SDK1: variants seen among roughly 807,000 people sequenced by gnomAD.
The protein encoded by SDK1 is sidekick cell adhesion molecule 1.
In SDK1, 157 loss-of-function variants were observed where a neutral mutation model predicts 245.5. The observed-to-expected ratio is 0.64, with a 90% confidence interval of 0.56 to 0.73. The LOEUF is 0.73. Among genes scored for constraint, SDK1 ranks in the 30% least tolerant of loss-of-function variants. The pLI is 0.00. For synonymous variants in SDK1, 1,647 were observed against 1,278.5 expected (o/e 1.29, Z -6.15); for missense variants, 3,583 against 3,002.3 (o/e 1.19, Z -4.52).
At chr7:4,220,033 T>C (rs1444055041) in intron 38 of SDK1, 76 bp from the exon 39 acceptor site, 5 of 1,515,222 alleles carry the variant, frequency 3.3e-6, no homozygotes, top group Non-Finnish European at 4.5e-6. Context: ...TTCCTTGTTA[T>C]CGCAACAGAA....
rs1583166114 is a variant in SDK1 at position 4,245,682 on chromosome 7, A to C, written c.6258A>C (p.Pro2086=). The C allele has an allele frequency of 6.2e-7, 1 of 1,613,862 alleles. No homozygotes were observed. The highest frequency in any genetic ancestry group is 8.5e-7 in the Non-Finnish European group (1 of 1,179,924). The stretch of plus-strand genomic sequence containing the variant: ...GCATGGGTCCTCATCCTAGGTCCCC[A>C]CCCCGGCCTAGCCCCGGCGGCCTGC... ...TFSKKNGTRS[P]PRPSPGGLHY... The change falls in exon 44 of 45, where the codon CCA becomes CCC. Residue 2086 remains proline (P), a synonymous_variant. Transcript: ENST00000404826.
rs10251063 is a variant in SDK1, at chr7:4,136,132, G to A, written c.4228+3709G>A. Among the ~76,000 whole-genome samples, 1,236 of 152,280 alleles carry A rather than the reference G, an allele frequency of 8.1e-3. 20 individuals carry two copies. The highest frequency in any genetic ancestry group is 0.029 in the African/African-American group (1,194 of 41,534). On this transcript the variant is annotated intron_variant, in intron 28 of 44. Transcript: ENST00000404826. ...GAGCCCTCCAACCGTGCTGAACGCT[G>A]CTGAATCACACAGCACCGTGTCTAC...
chr7:3,405,659 A>C (rs919368401), intron 1 of SDK1, among the ~76,000 whole-genome samples: 3 of 152,178 alleles, frequency 2.0e-5, no homozygotes, highest in African/African-American at 7.2e-5. Context: ...TATGGTTATA[A>C]GGAAAGCTCA....
intron 1 of SDK1, among the ~76,000 whole-genome samples, chr7:3,497,610 A>G (rs1030664784): frequency 1.3e-5 from 2 of 152,200 alleles, no homozygotes; most frequent in East Asian, 1.9e-4. Flanking sequence ...AATTATGGTA[A>G]TATCCTCCCT....
chr7:4,010,432 T>C (rs1033035328), intron 14 of SDK1, among the ~76,000 whole-genome samples: 8 of 152,146 alleles, frequency 5.3e-5, no homozygotes, highest in Admixed American at 1.3e-4. Flanking sequence ...TCATTACGCC[T>C]CTCTCCAGCC....
rs558930460 is a variant in SDK1 at position 3,474,737 on chromosome 7, C to G, written c.299-144343C>G. 4.6e-5 allele frequency among the ~76,000 whole-genome samples: 7 copies of G among 152,264 alleles called. No homozygotes were observed. The South Asian group carries it at 1.5e-3, about 32-fold the overall frequency. On this transcript the variant is annotated intron_variant, in intron 1 of 44. Transcript: ENST00000404826. The stretch of plus-strand genomic sequence containing the variant: ...ACAGGGTCTTACTCTGTCACCCAGG[C>G]TGCAGTGCAGTGGCATGATCATAGC...
At chr7:3,672,946 A>G (rs1467762400) in intron 4 of SDK1, among the ~76,000 whole-genome samples, 3 of 150,608 alleles carry the variant, frequency 2.0e-5, no homozygotes, top group Admixed American at 6.6e-5. Flanking sequence ...CTTTTTCTAG[A>G]TGCATCTTTT....
At chr7:4,107,535 A>G (rs1266021517) in intron 22 of SDK1, among the ~76,000 whole-genome samples, 1 of 150,924 alleles carries the variant, frequency 6.6e-6, no homozygotes, top group Non-Finnish European at 1.5e-5. Context: ...GAAATCGCCC[A>G]GTGCTTTGGT....
chr7:4,089,260 C>T (rs892614162), intron 22 of SDK1, among the ~76,000 whole-genome samples: 1 of 152,212 alleles, frequency 6.6e-6, no homozygotes, highest in Non-Finnish European at 1.5e-5. Flanking sequence ...GCACAGGGTG[C>T]TCAGTGCCTC....
intron 5 of SDK1, among the ~76,000 whole-genome samples, chr7:3,944,855 C>T (rs2128122857): frequency 6.6e-6 from 1 of 152,304 alleles, no homozygotes; most frequent in South Asian, 2.1e-4. Flanking sequence ...GCATCACAAC[C>T]ACCTGGGGAG....
chr7:3,440,083 G>A (rs1294424564), intron 1 of SDK1, among the ~76,000 whole-genome samples: 2 of 152,052 alleles, frequency 1.3e-5, no homozygotes, highest in Non-Finnish European at 2.9e-5. Flanking sequence ...AGTCACCTGT[G>A]GTCCGAAAAC....
intron 1 of SDK1, among the ~76,000 whole-genome samples, chr7:3,497,538 A>G (rs562965271): frequency 3.0e-4 from 46 of 152,336 alleles, no homozygotes; most frequent in African/African-American, 9.1e-4. Context: ...AAATTGCAAT[A>G]TAATACCATA....
At chr7:3,817,429 T>C (rs1432238783) in intron 4 of SDK1, among the ~76,000 whole-genome samples, 4 of 152,200 alleles carry the variant, frequency 2.6e-5, no homozygotes, top group African/African-American at 9.6e-5. Context: ...GCTGATTAAA[T>C]AGTGAAACAG....
intron 1 of SDK1, among the ~76,000 whole-genome samples, chr7:3,616,222 A>T (rs563335764): frequency 1.3e-5 from 2 of 152,272 alleles, no homozygotes; most frequent in South Asian, 2.1e-4. Context: ...CATCATCATC[A>T]TCATTATCAT....
At chr7:3,758,897 C>G (rs1383561435) in intron 4 of SDK1, among the ~76,000 whole-genome samples, 3 of 152,176 alleles carry the variant, frequency 2.0e-5, no homozygotes, top group Non-Finnish European at 4.4e-5. Flanking sequence ...CCATCTGTAT[C>G]TATTTAAAAA....
At chr7:3,748,200 A>G (rs1314260555) in intron 4 of SDK1, among the ~76,000 whole-genome samples, 1 of 152,178 alleles carries the variant, frequency 6.6e-6, no homozygotes, top group Admixed American at 6.5e-5. Context: ...CTAATTTTGA[A>G]AAGGAAAAAT....
intron 17 of SDK1, among the ~76,000 whole-genome samples, chr7:4,020,239 C>T (rs1450706572): frequency 6.6e-6 from 1 of 152,072 alleles, no homozygotes; most frequent in African/African-American, 2.4e-5. Context: ...TTGGACGTGG[C>T]TGGGGTCAGG....
chr7:3,825,174 G>A (rs776112817), intron 5 of SDK1, among the ~76,000 whole-genome samples: 1 of 152,168 alleles, frequency 6.6e-6, no homozygotes, highest in Non-Finnish European at 1.5e-5. Flanking sequence ...GAGAGTAGAT[G>A]TGTCTTCCGA....
intron 28 of SDK1, among the ~76,000 whole-genome samples, chr7:4,134,352 C>A (rs1162841846): frequency 1.3e-5 from 2 of 152,150 alleles, no homozygotes; most frequent in Admixed American, 6.5e-5. Context: ...GGGCCTGGCC[C>A]GGCGGAGAGG....
Sources: allele counts gnomAD v4.1 joint callset (sites outside exome capture counted in the v4.1 genomes callset), GRCh38; gene constraint gnomAD v4.1.1; transcripts MANE v1.5; gene names NCBI Gene and HGNC (gene_info 2026-07-23, HGNC 2026-07-21).